Variants in CPS1 observed in about 807,000 individuals in gnomAD.
The protein encoded by CPS1 is carbamoyl-phosphate synthase [ammonia], mitochondrial.
In CPS1, 109 loss-of-function variants were observed where a neutral mutation model predicts 174.6. That is an observed-to-expected ratio of 0.62 (90% CI 0.53 to 0.73). The LOEUF is 0.73. CPS1 is among the 30% of genes least tolerant of loss of function. The pLI, the probability that CPS1 is intolerant of heterozygous loss-of-function variation, is 0.00. For missense variants in CPS1, 1,689 were observed against 1,821.9 expected, an observed-to-expected ratio of 0.93 and a Z score of 1.33; for synonymous variants, 637 against 632.0, an observed-to-expected ratio of 1.01 and a Z score of -0.12.
At chr2:210,646,098 T>C (rs1700370224) in intron 25 of CPS1, among the ~76,000 whole-genome samples, 1 of 152,206 alleles carries the variant, frequency 6.6e-6, no homozygotes, top group South Asian at 2.1e-4. Flanking sequence ...AGCTCCTATT[T>C]AGTCTAATTG....
chr2:210,577,489 G>T lies in CPS1; in HGVS notation c.450G>T (p.Gly150=), dbSNP rs771266355. 4.3e-6 allele frequency: 7 copies of T among 1,613,602 alleles called. No individual in the cohort carries two copies. The highest frequency in any genetic ancestry group is 1.3e-5 in the African/African-American group (1 of 74,970). ...ACTGGCTGGCTACCAAGAGTTTAGG[G>T]CAATGGCTACAGGAAGAAAAGGTAA... The part of the protein sequence containing the change: ...YNHWLATKSL[G]QWLQEEKVPA... Residue 150 remains glycine (G), a synonymous_variant, in exon 4 of 38, where the codon GGG becomes GGT. Transcript: ENST00000233072.
At chr2:210,571,323 T>C (rs1288854442) in intron 1 of CPS1, among the ~76,000 whole-genome samples, 1 of 151,850 alleles carries the variant, frequency 6.6e-6, no homozygotes, top group African/African-American at 2.4e-5. Flanking sequence ...AAGGACAAAA[T>C]ATTTTTGGCT....
At chr2:210,612,070 T>A (rs1341436130) in intron 19 of CPS1, 47 bp from the exon 20 acceptor site, 2 of 1,540,524 alleles carry the variant, frequency 1.3e-6, no homozygotes, top group Non-Finnish European at 1.8e-6. Context: ...AAATTAAAGA[T>A]ACATAAGCTC....
intron 21 of CPS1, among the ~76,000 whole-genome samples, chr2:210,621,402 C>A (rs1302780498): frequency 6.6e-6 from 1 of 152,102 alleles, no homozygotes; most frequent in African/African-American, 2.4e-5. Flanking sequence ...AAAATGAAGT[C>A]TATATAAATT....
chr2:210,676,310 C>G (rs552400201), intron 36 of CPS1, among the ~76,000 whole-genome samples: 1 of 152,094 alleles, frequency 6.6e-6, no homozygotes, highest in African/African-American at 2.4e-5. Flanking sequence ...GGTTTTCATG[C>G]CTTAGACCAT....
At chr2:210,497,893 C>CATATATATAT (rs59178446) in intron 1 of CPS1, among the ~76,000 whole-genome samples, 1,046 of 86,862 alleles carry the variant, frequency 0.012, 34 homozygotes, top group East Asian at 0.052. Context: ...TATATACATA[C>CATATATATAT]ATATATATAT....
chr2:210,639,528 C>T (rs1260090044), intron 23 of CPS1, among the ~76,000 whole-genome samples: 1 of 144,910 alleles, frequency 6.9e-6, no homozygotes, highest in Non-Finnish European at 1.5e-5. Context: ...AGGAGAATGG[C>T]GTGAACCCGG....
At chr2:210,502,387 A>ATATATATAT (rs1695163322) in intron 1 of CPS1, among the ~76,000 whole-genome samples, 3 of 146,638 alleles carry the variant, frequency 2.0e-5, no homozygotes, top group African/African-American at 4.9e-5. Context: ...ATATTTTTTT[A>ATATATATAT]TATATATGTA....
upstream of CPS1, among the ~76,000 whole-genome samples, chr2:210,556,059 G>A (rs1371723343): frequency 6.6e-6 from 1 of 151,934 alleles, no homozygotes; most frequent in South Asian, 2.1e-4. Flanking sequence ...ACAGAACAAT[G>A]CTATAGTAAG....
intron 21 of CPS1, among the ~76,000 whole-genome samples, chr2:210,624,335 G>A (rs938130111): frequency 5.9e-5 from 9 of 152,022 alleles, no homozygotes; most frequent in African/African-American, 7.2e-5. Context: ...TATATGTGAA[G>A]TAACAAACTT....
chr2:210,614,362 G>A (rs1262279103), intron 20 of CPS1, among the ~76,000 whole-genome samples: 9 of 151,762 alleles, frequency 5.9e-5, no homozygotes, highest in Admixed American at 3.3e-4. Context: ...ATAAACATAC[G>A]TGTGCATGTG....
At chr2:210,653,961 C>T (rs1700631843) in intron 28 of CPS1, 64 bp from the exon 29 acceptor site, 2 of 1,262,844 alleles carry the variant, frequency 1.6e-6, no homozygotes, top group Admixed American at 1.7e-5. Context: ...AAGTACATGG[C>T]TTATTGACAC....
intron 1 of CPS1, among the ~76,000 whole-genome samples, chr2:210,496,367 A>T (rs1269474081): frequency 6.6e-6 from 1 of 152,240 alleles, no homozygotes; most frequent in East Asian, 1.9e-4. Context: ...TGTTATCAGC[A>T]TTTCCTGCCT....
chr2:210,648,975 A>G (rs1700474837), intron 27 of CPS1, among the ~76,000 whole-genome samples: 1 of 152,212 alleles, frequency 6.6e-6, no homozygotes, highest in Non-Finnish European at 1.5e-5. Context: ...TGTTTAATAG[A>G]TAAATTATAA....
At chr2:210,651,338 G>C (rs886174909) in intron 28 of CPS1, among the ~76,000 whole-genome samples, 1 of 152,208 alleles carries the variant, frequency 6.6e-6, no homozygotes, top group African/African-American at 2.4e-5. Flanking sequence ...TGAGTGGTAA[G>C]AGTAGATAAG....
intron 24 of CPS1, among the ~76,000 whole-genome samples, chr2:210,642,179 A>G (rs901579922): frequency 5.3e-5 from 8 of 152,178 alleles, no homozygotes; most frequent in Admixed American, 4.6e-4. Flanking sequence ...GGTTATTTTT[A>G]TCATTAAAAT....
chr2:210,592,234 A>T (rs902035023), intron 10 of CPS1, among the ~76,000 whole-genome samples: 1 of 152,022 alleles, frequency 6.6e-6, no homozygotes, highest in African/African-American at 2.4e-5. Flanking sequence ...AGAGTTTTTA[A>T]ATACACTATG....
intron 10 of CPS1, 137 bp downstream of exon 10, chr2:210,592,106 A>C: frequency 1.0e-6 from 1 of 993,324 alleles, no homozygotes; most frequent in South Asian, 1.6e-5. Flanking sequence ...GTAATGATCA[A>C]ATCACACTAG....
At chr2:210,605,783 GAC>G (rs1698887208) in intron 17 of CPS1, among the ~76,000 whole-genome samples, 1 of 151,888 alleles carries the variant, frequency 6.6e-6, no homozygotes, top group South Asian at 2.1e-4. Flanking sequence ...TTGATACAAA[GAC>G]ACTGGAAACT....
Sources: gnomAD v4.1 joint callset for allele counts (sites outside exome capture counted in the v4.1 genomes callset) on GRCh38, gnomAD v4.1.1 for gene constraint, MANE v1.5 for transcripts, NCBI Gene and HGNC (gene_info 2026-07-23, HGNC 2026-07-21) for gene names.